The following LRFN5 variants were observed in gnomAD, a reference collection of about 807,000 sequenced individuals.
LRFN5 encodes leucine rich repeat and fibronectin type III domain containing 5.
Under a neutral mutation model 45.6 loss-of-function variants are expected in LRFN5, and 24 were observed. The observed-to-expected ratio is 0.53, with a 90% CI of 0.38 to 0.74. The LOEUF is 0.74. LRFN5 is among the 30% of genes least tolerant of loss of function. The pLI, the probability that LRFN5 is intolerant of heterozygous loss-of-function variation, is 0.00. For synonymous variants in LRFN5, 340 were observed against 313.8 expected, an observed-to-expected ratio of 1.08 and a Z score of -0.88; for missense variants, 776 against 861.5, an observed-to-expected ratio of 0.90 and a Z score of 1.24.
At chr14:41,714,562 A>G (rs1230901887) in intron 1 of LRFN5, among the ~76,000 whole-genome samples, 1 of 152,046 alleles carries the variant, frequency 6.6e-6, no homozygotes, top group Non-Finnish European at 1.5e-5. Context: ...GACGTGTGCT[A>G]TTTTCTGATG....
chr14:41,801,545 A>C (rs1161012362), intron 2 of LRFN5, among the ~76,000 whole-genome samples: 1 of 152,072 alleles, frequency 6.6e-6, no homozygotes, highest in African/African-American at 2.4e-5. Context: ...TAGAGTAAAG[A>C]TTTTCAGTGC....
At chr14:41,633,508 G>T (rs1888621131) in intron 1 of LRFN5, among the ~76,000 whole-genome samples, 1 of 152,018 alleles carries the variant, frequency 6.6e-6, no homozygotes, top group South Asian at 2.1e-4. Flanking sequence ...TTAGATACTG[G>T]TTTAACATGG....
intron 2 of LRFN5, among the ~76,000 whole-genome samples, chr14:41,779,379 A>G (rs1335410819): frequency 1.3e-5 from 2 of 151,816 alleles, no homozygotes; most frequent in African/African-American, 4.8e-5. Flanking sequence ...ATTTGTTAAT[A>G]TGTTATTAGA....
intron 4 of LRFN5, chr14:41,893,872 C>A: frequency 1.0e-6 from 1 of 985,216 alleles, no homozygotes. Context: ...CCTTCACTGC[C>A]CAGTTATTTA....
intron 2 of LRFN5, among the ~76,000 whole-genome samples, chr14:41,845,998 T>C (rs531079268): frequency 1.3e-5 from 2 of 152,338 alleles, no homozygotes; most frequent in South Asian, 2.1e-4. Flanking sequence ...ACAGTATTTG[T>C]AGCCATTTCA....
At chr14:41,638,752 A>G (rs1879425393) in intron 1 of LRFN5, among the ~76,000 whole-genome samples, 1 of 152,102 alleles carries the variant, frequency 6.6e-6, no homozygotes, top group Non-Finnish European at 1.5e-5. Flanking sequence ...TTTATAACAT[A>G]AACTAAATTA....
Position 41,712,986 on chromosome 14 carries a change from G to A in LRFN5, c.-196-53868G>A, listed in dbSNP as rs539560556. ...GTAAAGAGAAATATAATTTATAAAA[G>A]GAAAATAAAAGCCTGTGGTATTAAC... On this transcript the variant is annotated intron_variant, in intron 1 of 5. Transcript: ENST00000298119. Among the ~76,000 whole-genome samples the A allele has an allele frequency of 1.5e-4, 23 of 151,856 alleles. 1 individual carries two copies. The South Asian group carries it at 4.4e-3, about 29-fold the overall frequency.
intron 1 of LRFN5, among the ~76,000 whole-genome samples, chr14:41,748,722 G>A (rs887834788): frequency 3.3e-5 from 5 of 152,090 alleles, no homozygotes; most frequent in African/African-American, 1.2e-4. Flanking sequence ...ATACAGCTTA[G>A]TGTGAGGAAT....
chr14:41,874,800 C>T (rs1224114515), intron 2 of LRFN5, among the ~76,000 whole-genome samples: 4 of 152,138 alleles, frequency 2.6e-5, no homozygotes, highest in Admixed American at 6.5e-5. Flanking sequence ...CACAGTTTAG[C>T]GGGGCTGGAA....
intron 2 of LRFN5, among the ~76,000 whole-genome samples, chr14:41,845,614 T>A (rs999330609): frequency 6.6e-6 from 1 of 152,128 alleles, no homozygotes; most frequent in Non-Finnish European, 1.5e-5. Context: ...TTCTGACATA[T>A]ATAAATGTGA....
chr14:41,688,374 A>T (rs1304138793), intron 1 of LRFN5, among the ~76,000 whole-genome samples: 1 of 152,084 alleles, frequency 6.6e-6, no homozygotes, highest in Non-Finnish European at 1.5e-5. Flanking sequence ...TACCTTATTT[A>T]CCCTGATGTG....
At chr14:41,709,835 TATA>T (rs1438586057) in intron 1 of LRFN5, among the ~76,000 whole-genome samples, 4 of 152,018 alleles carry the variant, frequency 2.6e-5, no homozygotes, top group Non-Finnish European at 5.9e-5. Flanking sequence ...AATAGAAAAA[TATA>T]ATATTTTACT....
intron 1 of LRFN5, chr14:41,699,470 A>G (rs1026432992): frequency 6.6e-5 from 10 of 152,102 alleles, no homozygotes; most frequent in Non-Finnish European, 1.5e-4. Context: ...GATTATGTGG[A>G]AGGAGTTTTG....
chr14:41,766,810 G>A (rs1308657377), intron 1 of LRFN5, 44 bp from the exon 2 acceptor site: 1 of 152,506 alleles, frequency 6.6e-6, no homozygotes, highest in Non-Finnish European at 1.5e-5. Flanking sequence ...TACTTTATAA[G>A]CATTTTTTGA....
At chr14:41,900,080 CCTT>C (rs1328025516) in intron 5 of LRFN5, among the ~76,000 whole-genome samples, 2 of 152,178 alleles carry the variant, frequency 1.3e-5, no homozygotes, top group Middle Eastern at 3.4e-3. Flanking sequence ...CTTTGCCTCT[CCTT>C]CTCTTTCTCT....
At chr14:41,885,724 A>G (rs1028391590) in intron 2 of LRFN5, among the ~76,000 whole-genome samples, 2 of 152,056 alleles carry the variant, frequency 1.3e-5, no homozygotes, top group Admixed American at 6.6e-5. Context: ...TTCAGTTAAG[A>G]TGTGAAGATT....
At chr14:41,765,327 G>GC (rs1885838818) in intron 1 of LRFN5, among the ~76,000 whole-genome samples, 1 of 144,634 alleles carries the variant, frequency 6.9e-6, no homozygotes. Flanking sequence ...GGGCTACTGA[G>GC]CGAGACTCCG....
At chr14:41,612,625 T>A (rs1887794387) in intron 1 of LRFN5, among the ~76,000 whole-genome samples, 1 of 152,136 alleles carries the variant, frequency 6.6e-6, no homozygotes, top group African/African-American at 2.4e-5. Context: ...AGAGTGAGAC[T>A]TCTTATTCTG....
intron 2 of LRFN5, among the ~76,000 whole-genome samples, chr14:41,873,388 G>A (rs577906659): frequency 6.7e-6 from 1 of 148,340 alleles, no homozygotes; most frequent in African/African-American, 2.5e-5. Context: ...ACAGAAGAGA[G>A]AGAAAGAGAG....
Sources: gnomAD v4.1 joint callset for allele counts (sites outside exome capture counted in the v4.1 genomes callset) on GRCh38, gnomAD v4.1.1 for gene constraint, MANE v1.5 for transcripts, NCBI Gene and HGNC (gene_info 2026-07-23, HGNC 2026-07-21) for gene names.